Variants in PDC observed in about 807,000 individuals in gnomAD.
PDC encodes the protein phosducin.
PDC carries 19 observed loss-of-function variants against 22.2 expected under a neutral mutation model. The ratio of observed to expected loss-of-function variants is 0.86; its 90% CI spans 0.60 to 1.26. The LOEUF is 1.26. PDC is among the 50% of genes most tolerant of loss of function. The pLI is 0.00. For synonymous variants in PDC, 97 were observed against 96.2 expected, an observed-to-expected ratio of 1.01 and a Z score of -0.05; for missense variants, 274 against 286.8, an observed-to-expected ratio of 0.96 and a Z score of 0.32.
chr1:186,459,309 G>C (rs1285566242), intron 1 of PDC, among the ~76,000 whole-genome samples: 1 of 148,974 alleles, frequency 6.7e-6, no homozygotes, highest in Non-Finnish European at 1.5e-5. Flanking sequence ...GAGTGCCTGC[G>C]ATTGCAGGCA....
chr1:186,449,442 G>T lies in PDC; in HGVS notation c.18C>A (p.Ser6Arg). 1 of 1,605,600 alleles carries T rather than the reference G, an allele frequency of 6.2e-7. No individual in the cohort carries two copies. The highest frequency in any genetic ancestry group is 1.1e-5 in the South Asian group (1 of 90,068). The stretch of plus-strand genomic sequence containing the variant: ...CTTCAAAGTCTTCCTCCAAACTTTG[G>T]CTTTTGGCTTCTTCCATTTTAGGGA... MEEAK[S>R]QSLEEDFEGQ... is the part of the protein sequence containing the mutation. Residue 6 changes from serine (S) to arginine (R), a missense_variant, in exon 2 of 4, where the codon AGC (serine) becomes AGA (arginine). Ser to Arg is a moderately radical substitution (Grantham distance 110). Transcript: ENST00000391997.
rs1662170951 is a variant in PDC at position 186,444,236 on chromosome 1, A to G, written c.484T>C (p.Tyr162His). 7 of 1,614,110 alleles carry G rather than the reference A, an allele frequency of 4.3e-6. No homozygotes were observed. The Admixed American group carries it at 5.0e-5, about 12-fold the overall frequency. The stretch of plus-strand genomic sequence containing the variant: ...ATTTTACAAAACTTAACTATAGGGT[A>G]TTCTGCTGCAAGGCATGTTAAACTA... ...NSSLTCLAAE[Y>H]PIVKFCKIKA... Residue 162 changes from tyrosine to histidine, a missense_variant, in exon 4 of 4, where the codon TAC becomes CAC. By Grantham distance (83) the Tyr-to-His change is moderately conservative. Transcript: ENST00000391997.
chr1:186,452,982 T>G (rs1236175368), intron 1 of PDC, among the ~76,000 whole-genome samples: 1 of 152,186 alleles, frequency 6.6e-6, no homozygotes, highest in Non-Finnish European at 1.5e-5. Flanking sequence ...TAAGTAAAAA[T>G]TGTATATGGA....
intron 1 of PDC, among the ~76,000 whole-genome samples, chr1:186,459,403 C>T (rs1265431056): frequency 6.6e-6 from 1 of 152,156 alleles, no homozygotes; most frequent in African/African-American, 2.4e-5. Flanking sequence ...GCGAGTGATC[C>T]GCCAGCCTTG....
chr1:186,448,066 A>G (rs143830368), intron 2 of PDC, among the ~76,000 whole-genome samples: 1 of 152,186 alleles, frequency 6.6e-6, no homozygotes, highest in African/African-American at 2.4e-5. Flanking sequence ...ATCGTGATCT[A>G]CATTGTTGTT....
At chr1:186,454,098 G>T (rs187380873) in intron 1 of PDC, among the ~76,000 whole-genome samples, 1 of 151,008 alleles carries the variant, frequency 6.6e-6, no homozygotes, top group Non-Finnish European at 1.5e-5. Flanking sequence ...ATATATTTTC[G>T]CTTTGGATTA....
intron 2 of PDC, among the ~76,000 whole-genome samples, chr1:186,447,534 GT>G (rs1251540187): frequency 6.6e-6 from 1 of 152,036 alleles, no homozygotes; most frequent in Non-Finnish European, 1.5e-5. Context: ...GACTAACAAC[GT>G]TATTCATTTA....
chr1:186,447,635 T>G (rs1448526791), intron 2 of PDC, among the ~76,000 whole-genome samples: 3 of 152,162 alleles, frequency 2.0e-5, no homozygotes, highest in African/African-American at 7.2e-5. Flanking sequence ...ATGTCCATAT[T>G]CTATATCATA....
intron 1 of PDC, among the ~76,000 whole-genome samples, chr1:186,457,350 A>T (rs1359185628): frequency 6.6e-6 from 1 of 152,064 alleles, no homozygotes; most frequent in East Asian, 1.9e-4. Context: ...GCTTGTGGAG[A>T]CTTTCAGTGT....
rs553003702 is a variant in PDC at position 186,455,904 on chromosome 1, G to A, written c.-25+5155C>T. Reference sequence around the variant, plus strand: ...GGAGAATGGCGTAGACCTGGGAGGCGGAGTTTGCAGTGAGCCGAGATTGCG... The same window carrying A: ...GGAGAATGGCGTAGACCTGGGAGGCAGAGTTTGCAGTGAGCCGAGATTGCG... On this transcript the variant is annotated intron_variant, in intron 1 of 3. Coordinates refer to ENST00000391997, the MANE Select transcript of PDC (RefSeq NM_002597.5). Among the ~76,000 whole-genome samples, 5 of 138,196 alleles carry A rather than the reference G, an allele frequency of 3.6e-5. No individual in the cohort carries two copies. The East Asian group carries it at 1.1e-3, about 30-fold the overall frequency. 90.7% of individuals were successfully genotyped at this position (138,196 alleles called of 152,430 possible). A position where few individuals can be genotyped will look rare whatever the true frequency, so the allele number is the denominator to read the frequency against.
intron 3 of PDC, 55 bp from the exon 4 acceptor site, chr1:186,444,561 A>AT: frequency 8.4e-7 from 1 of 1,197,036 alleles, no homozygotes; most frequent in Admixed American, 2.1e-5. Context: ...TTCCTTAGAT[A>AT]TACCAAGCCC....
chr1:186,452,280 C>T (rs956467935), intron 1 of PDC, among the ~76,000 whole-genome samples: 1 of 152,102 alleles, frequency 6.6e-6, no homozygotes, highest in East Asian at 1.9e-4. Flanking sequence ...ACTCTGTTGC[C>T]CAGGCTGGAG....
chr1:186,456,812 C>T (rs567744238), intron 1 of PDC, among the ~76,000 whole-genome samples: 21 of 152,248 alleles, frequency 1.4e-4, no homozygotes, highest in East Asian at 1.2e-3. Flanking sequence ...AAATCAAGTA[C>T]GGAAGTGAAA....
intron 1 of PDC, among the ~76,000 whole-genome samples, chr1:186,455,868 AGGCTG>A (rs1662454175): frequency 7.8e-6 from 1 of 128,558 alleles, no homozygotes; most frequent in Non-Finnish European, 1.6e-5. Flanking sequence ...GCTACTCGGG[AGGCTG>A]AGGCAGGAGA....
At chr1:186,453,013 C>T (rs1222234575) in intron 1 of PDC, among the ~76,000 whole-genome samples, 1 of 152,044 alleles carries the variant, frequency 6.6e-6, no homozygotes, top group African/African-American at 2.4e-5. Flanking sequence ...GAATAATGTG[C>T]ATTTAAAAGA....
At chr1:186,455,778 G>A (rs1341121978) in intron 1 of PDC, among the ~76,000 whole-genome samples, 4 of 119,868 alleles carry the variant, frequency 3.3e-5, no homozygotes, top group Non-Finnish European at 6.5e-5. Flanking sequence ...TGGCTAACAC[G>A]GTGAAACCCC....
rs1337065425 is a variant in PDC at position 186,444,488 on chromosome 1, C to T, written c.232G>A (p.Glu78Lys). The change falls in exon 4 of 4, where the codon GAA becomes AAA. Residue 78 changes from glutamate to lysine, a missense_variant. Coordinates refer to ENST00000391997, the MANE Select transcript of PDC (RefSeq NM_002597.5). ...VSRKMSIQEY[E>K]LIHKEKEDEN... ...TCCTCTTTCTCTTTATGGATTAGTT[C>T]ATATTCTTGAATGCTCATCTGAGAA... The T allele has an allele frequency of 1.3e-6, 2 of 1,596,836 alleles. No individual in the cohort carries two copies. Among genetic ancestry groups the T allele is most frequent in the Admixed American group, 1.7e-5 (1 of 59,514 alleles).
chr1:186,458,226 CTTTTTT>C lies in PDC; in HGVS notation c.-25+2827_-25+2832del, dbSNP rs1157926478. Among the ~76,000 whole-genome samples, 308 of 88,396 alleles carry C rather than the reference CTTTTTT, an allele frequency of 3.5e-3. 4 individuals carry two copies. Among genetic ancestry groups the C allele is most frequent in the African/African-American group, 0.011 (231 of 21,814 alleles). 58.0% of individuals were successfully genotyped at this position (88,396 alleles called of 152,430 possible). ...TTTGCTATTATGACATACAGATATT[CTTTTTT>C]TTTTTTTTTTTTTTTTTTTAGAAAG... is the stretch of plus-strand genomic sequence containing the variant. On this transcript the variant is annotated intron_variant, in intron 1 of 3. Coordinates refer to ENST00000391997, the MANE Select transcript of PDC (RefSeq NM_002597.5).
Position 186,446,391 on chromosome 1 carries a change from T to C in PDC, c.213+35A>G, listed in dbSNP as rs1426981132. 2.7e-6 allele frequency: 4 copies of C among 1,475,312 alleles called. No homozygotes were observed. The East Asian group carries it at 9.2e-5, about 34-fold the overall frequency. The allele number at this position is 1,475,312 out of a possible 1,614,324, so 91.4% of individuals were successfully genotyped here. ...TTGATTTAGATTAGAAAACACATTG[T>C]AAATTATTTATTACTGCTTTTTGTA... On this transcript the variant is annotated intron_variant, in intron 3 of 3. Coordinates refer to ENST00000391997, the MANE Select transcript of PDC (RefSeq NM_002597.5).
Sources: gnomAD v4.1 joint callset for allele counts (sites outside exome capture counted in the v4.1 genomes callset) on GRCh38, gnomAD v4.1.1 for gene constraint, MANE v1.5 for transcripts, NCBI Gene and HGNC (gene_info 2026-07-23, HGNC 2026-07-21) for gene names.